The following XPO6 variants were observed in gnomAD, a reference collection of about 807,000 sequenced individuals.
XPO6 encodes exportin-6.
Under a neutral mutation model 130.0 loss-of-function variants are expected in XPO6, and 3 were observed. That is an observed-to-expected ratio of 0.02 (90% CI 0.01 to 0.06). The LOEUF (loss-of-function observed/expected upper bound fraction) is 0.06. Among genes scored for constraint, XPO6 ranks in the 10% least tolerant of loss-of-function variants. The pLI is 1.00. For synonymous variants in XPO6, 524 were observed against 548.9 expected (o/e 0.95, Z 0.63); for missense variants, 970 against 1,393.0 (o/e 0.70, Z 4.83).
At chr16:28,104,010 G>A (rs1362868843) in intron 21 of XPO6, among the ~76,000 whole-genome samples, 2 of 152,196 alleles carry the variant, frequency 1.3e-5, no homozygotes, top group East Asian at 1.9e-4. Flanking sequence ...CTGTCTGGGC[G>A]AGGTGATGCC....
chr16:28,145,088 C>T (rs1486767052), intron 9 of XPO6, among the ~76,000 whole-genome samples: 1 of 152,160 alleles, frequency 6.6e-6, no homozygotes, highest in Non-Finnish European at 1.5e-5. Context: ...GTACTTAGGG[C>T]TAGATCACCT....
intron 1 of XPO6, among the ~76,000 whole-genome samples, chr16:28,198,929 A>G (rs890149540): frequency 6.6e-6 from 1 of 152,142 alleles, no homozygotes; most frequent in Non-Finnish European, 1.5e-5. Flanking sequence ...GGATCACCTG[A>G]GGTTGAGAGT....
intron 8 of XPO6, among the ~76,000 whole-genome samples, chr16:28,148,780 A>G (rs1405438941): frequency 2.0e-5 from 3 of 152,098 alleles, no homozygotes; most frequent in Non-Finnish European, 4.4e-5. Flanking sequence ...GGTGGTTCAC[A>G]CCTGTAATCC....
chr16:28,160,843 T>G (rs1054352333), intron 6 of XPO6, among the ~76,000 whole-genome samples: 1 of 152,228 alleles, frequency 6.6e-6, no homozygotes, highest in African/African-American at 2.4e-5. Flanking sequence ...TTAATTCATT[T>G]AATTACAAAG....
intron 6 of XPO6, among the ~76,000 whole-genome samples, chr16:28,160,300 T>A (rs1365408832): frequency 6.6e-6 from 1 of 150,910 alleles, no homozygotes; most frequent in African/African-American, 2.4e-5. Flanking sequence ...GGTCAGAAGT[T>A]CCAGACCAGC....
chr16:28,185,599 A>C (rs1331389821), intron 1 of XPO6, among the ~76,000 whole-genome samples: 1 of 152,208 alleles, frequency 6.6e-6, no homozygotes, highest in Non-Finnish European at 1.5e-5. Context: ...TGGTGTTATC[A>C]GACTCTTTAG....
rs2042725950 is a variant in XPO6, at chr16:28,133,943, A to G, written c.1444-10T>C. On this transcript the variant is annotated splice_polypyrimidine_tract_variant and intron_variant, in intron 10 of 23. Coordinates refer to ENST00000304658, the MANE Select transcript of XPO6 (RefSeq NM_015171.4). ...GCCACTCCGTCTGCTGCTGTAGGGG[A>G]AGCACAGGAGAATCAGCTCTCCCAG... 1 of 1,613,544 alleles carries G rather than the reference A, an allele frequency of 6.2e-7. No individual in the cohort carries two copies. The highest frequency in any genetic ancestry group is 1.1e-5 in the South Asian group (1 of 91,046).
intron 4 of XPO6, among the ~76,000 whole-genome samples, chr16:28,175,399 C>T (rs74014243): frequency 0.054 from 8,248 of 152,200 alleles, 573 homozygotes; most frequent in East Asian, 0.17. Flanking sequence ...ATGGAACCCC[C>T]CAACCCTTCC....
chr16:28,170,390 C>T (rs1281354796), intron 4 of XPO6, among the ~76,000 whole-genome samples: 1 of 149,388 alleles, frequency 6.7e-6, no homozygotes, highest in Non-Finnish European at 1.5e-5. Context: ...CTCTTTTTAA[C>T]CATTCAAAAT....
At position 28,135,320 on chromosome 16, in the gene XPO6, C is replaced by T. The variant is rs749921443; in HGVS notation, c.1339G>A (p.Glu447Lys). Reference sequence around the variant, plus strand: ...GTGAGCAGGAGCACCAGGGCATCTTCGTACCTATGTGGCAGGGAGAAATTC... The same window carrying T: ...GTGAGCAGGAGCACCAGGGCATCTTTGTACCTATGTGGCAGGGAGAAATTC... ...GDKEAVLNRY[E>K]DALVLLLTEV... The change falls in exon 10 of 24, where the codon GAA (glutamate) becomes AAA (lysine). Residue 447 changes from glutamate (E) to lysine (K), a missense_variant. By Grantham distance (56) the Glu-to-Lys change is moderately conservative. Around this residue, in one of 4 missense-constraint regions of XPO6, gnomAD observed 936 missense variants for 1,306.8 expected, o/e 0.72. Transcript: ENST00000304658. 3.0e-5 allele frequency: 48 copies of T among 1,613,252 alleles called. No individual in the cohort carries two copies. The highest frequency in any genetic ancestry group is 3.2e-5 in the Non-Finnish European group (38 of 1,179,600).
chr16:28,176,405 C>T (rs2043534462), intron 3 of XPO6, among the ~76,000 whole-genome samples: 2 of 151,982 alleles, frequency 1.3e-5, no homozygotes, highest in Admixed American at 1.3e-4. Flanking sequence ...AGGAGCATGC[C>T]TTGGTGAATA....
chr16:28,149,243 T>C (rs887111559), intron 8 of XPO6, among the ~76,000 whole-genome samples: 4 of 151,874 alleles, frequency 2.6e-5, no homozygotes, highest in Non-Finnish European at 5.9e-5. Context: ...CATAGGTTTA[T>C]AGACAGCCAG....
chr16:28,143,368 T>C (rs2042929250), intron 9 of XPO6, among the ~76,000 whole-genome samples: 1 of 152,260 alleles, frequency 6.6e-6, no homozygotes, highest in East Asian at 1.9e-4. Context: ...TACATCTAGA[T>C]GCTGTGCCAG....
At chr16:28,129,710 A>C (rs2042628627) in intron 12 of XPO6, among the ~76,000 whole-genome samples, 1 of 152,204 alleles carries the variant, frequency 6.6e-6, no homozygotes, top group Non-Finnish European at 1.5e-5. Flanking sequence ...CATAATCATA[A>C]ATCATAAACG....
chr16:28,171,828 G>A (rs914175912), intron 4 of XPO6, among the ~76,000 whole-genome samples: 2 of 152,014 alleles, frequency 1.3e-5, no homozygotes, highest in African/African-American at 4.8e-5. Context: ...ACTGATCCTT[G>A]GTAAGCATCT....
chr16:28,139,145 A>G (rs1401778176), intron 9 of XPO6, among the ~76,000 whole-genome samples: 2 of 152,234 alleles, frequency 1.3e-5, no homozygotes, highest in African/African-American at 4.8e-5. Context: ...ATGTGAGGTC[A>G]AAGAGTAGGG....
At chr16:28,186,374 C>CTTGTTTTTTTTTTTTTTTTTTTTTTTT (rs2043693707) in intron 1 of XPO6, among the ~76,000 whole-genome samples, 1 of 81,442 alleles carries the variant, frequency 1.2e-5, no homozygotes, top group African/African-American at 6.6e-5. Context: ...CCCAGTTATT[C>CTTGTTTTTTTTTTTTTTTTTTTTTTTT]TTTTTTTTTT....
chr16:28,109,687 G>T (rs1369064106), intron 17 of XPO6, among the ~76,000 whole-genome samples: 1 of 152,158 alleles, frequency 6.6e-6, no homozygotes, highest in East Asian at 1.9e-4. Flanking sequence ...TGCTCTTCTG[G>T]ATCAAAGGAG....
In XPO6 at chr16:28,156,221, T is replaced by C. The variant is rs2043181880; in HGVS notation, c.950A>G (p.Asn317Ser). Reference sequence around the variant, plus strand: ...CACACAGTTCTTGGACATGAGTTCATTGATGCAGGACATGGCCAGGACCCC... The same window carrying C: ...CACACAGTTCTTGGACATGAGTTCACTGATGCAGGACATGGCCAGGACCCC... The part of the protein sequence containing the change: ...RLGVLAMSCI[N>S]ELMSKNCVPM... Residue 317 changes from asparagine to serine, a missense_variant, in exon 7 of 24, where the codon AAT becomes AGT. Transcript: ENST00000304658. 5.6e-6 allele frequency: 9 copies of C among 1,614,062 alleles called. No homozygotes were observed. Among genetic ancestry groups the C allele is most frequent in the Non-Finnish European group, 5.9e-6 (7 of 1,180,026 alleles).
Sources: allele counts gnomAD v4.1 joint callset (sites outside exome capture counted in the v4.1 genomes callset), GRCh38; gene constraint gnomAD v4.1.1; regional missense constraint gnomAD v4.1.1; transcripts MANE v1.5; gene names NCBI Gene and HGNC (gene_info 2026-07-23, HGNC 2026-07-21).